Variants in LINGO2 observed in about 807,000 individuals in gnomAD.
LINGO2 encodes leucine-rich repeat and immunoglobulin-like domain-containing nogo receptor-interacting protein 2.
A neutral mutation model predicts 30.6 loss-of-function variants in LINGO2; 14 were observed. The observed-to-expected ratio is 0.46, with a 90% CI of 0.30 to 0.72. LINGO2 has a LOEUF of 0.72. LINGO2 is among the 30% of genes least tolerant of loss of function. The pLI, the probability that LINGO2 is intolerant of heterozygous loss-of-function variation, is 0.07. For synonymous variants in LINGO2, 317 were observed against 288.5 expected (o/e 1.10, Z -1.00); for missense variants, 729 against 751.7 (o/e 0.97, Z 0.35).
chr9:28,090,035 G>A (rs567260039), intron 4 of LINGO2, among the ~76,000 whole-genome samples: 1 of 152,124 alleles, frequency 6.6e-6, no homozygotes, highest in Non-Finnish European at 1.5e-5. Context: ...TCTCTGAATA[G>A]ACCAATAACA....
chr9:29,059,720 A>G, the LINGO2 span, among the ~76,000 whole-genome samples: 3 of 152,062 alleles, frequency 2.0e-5, no homozygotes, highest in South Asian at 6.2e-4. Flanking sequence ...AATCAGCCTG[A>G]CGTTATCATA....
At chr9:28,998,211 T>C in the LINGO2 span, among the ~76,000 whole-genome samples, 1 of 152,074 alleles carries the variant, frequency 6.6e-6, no homozygotes, top group Admixed American at 6.6e-5. Context: ...GCCTGTTTTG[T>C]TTGTGGAATA....
chr9:28,320,434 G>A (rs376971940), intron 3 of LINGO2, among the ~76,000 whole-genome samples: 1 of 152,154 alleles, frequency 6.6e-6, no homozygotes, highest in East Asian at 1.9e-4. Flanking sequence ...GCAGTTAGCC[G>A]ACATAATTGG....
intron 4 of LINGO2, among the ~76,000 whole-genome samples, chr9:28,281,511 C>T (rs192834058): frequency 3.0e-4 from 45 of 151,572 alleles, no homozygotes; most frequent in Middle Eastern, 3.4e-3. Context: ...GGGGATATAA[C>T]GGGACTATTA....
chr9:28,936,906 G>A, the LINGO2 span, among the ~76,000 whole-genome samples: 2 of 152,128 alleles, frequency 1.3e-5, no homozygotes, highest in Non-Finnish European at 2.9e-5. Context: ...ATTGGTTTCT[G>A]GTGAGGCCTC....
At chr9:28,405,769 C>T (rs939231186) in intron 2 of LINGO2, among the ~76,000 whole-genome samples, 19 of 152,052 alleles carry the variant, frequency 1.2e-4, no homozygotes, top group African/African-American at 2.9e-4. Flanking sequence ...GCATTTTTAT[C>T]TCTTCCTTCT....
chr9:28,797,359 T>TAGAGTGAGAGAGAG, the LINGO2 span, among the ~76,000 whole-genome samples: 1 of 34,206 alleles, frequency 2.9e-5, no homozygotes, highest in African/African-American at 9.6e-5. Flanking sequence ...TATATATATA[T>TAGAGTGAGAGAGAG]AGAGAGAGAG....
chr9:28,785,986 C>T, the LINGO2 span, among the ~76,000 whole-genome samples: 1 of 152,324 alleles, frequency 6.6e-6, no homozygotes, highest in Non-Finnish European at 1.5e-5. Context: ...TTTATCTGCA[C>T]TGAAATAGCC....
chr9:28,703,717 TTCTC>T, the LINGO2 span, among the ~76,000 whole-genome samples: 1 of 151,944 alleles, frequency 6.6e-6, no homozygotes, highest in African/African-American at 2.4e-5. Context: ...TGATGCCATT[TTCTC>T]TCTCTCTTTT....
chr9:28,504,912 T>C (rs1820046056), intron 1 of LINGO2, among the ~76,000 whole-genome samples: 1 of 151,884 alleles, frequency 6.6e-6, no homozygotes, highest in East Asian at 1.9e-4. Context: ...ATTGAAATGA[T>C]GATGCAGGGT....
At chr9:28,540,626 A>G (rs910321490) in intron 1 of LINGO2, among the ~76,000 whole-genome samples, 3 of 152,152 alleles carry the variant, frequency 2.0e-5, no homozygotes, top group Admixed American at 1.3e-4. Flanking sequence ...CATCACTATT[A>G]TCACTCTTCA....
chr9:28,859,244 A>T, the LINGO2 span, among the ~76,000 whole-genome samples: 1 of 152,020 alleles, frequency 6.6e-6, no homozygotes, highest in African/African-American at 2.4e-5. Context: ...TTCTTTAATT[A>T]TTATTTGGGG....
chr9:28,961,842 T>C, the LINGO2 span, among the ~76,000 whole-genome samples: 1 of 152,180 alleles, frequency 6.6e-6, no homozygotes, highest in South Asian at 2.1e-4. Context: ...TGGCTAACAG[T>C]AACAACTACA....
At chr9:28,165,502 C>T (rs1828401141) in intron 4 of LINGO2, among the ~76,000 whole-genome samples, 1 of 152,148 alleles carries the variant, frequency 6.6e-6, no homozygotes, top group Non-Finnish European at 1.5e-5. Context: ...AAAAATTGTC[C>T]TCGTGGATTG....
At chr9:29,158,915 G>A in the LINGO2 span, among the ~76,000 whole-genome samples, 1 of 152,130 alleles carries the variant, frequency 6.6e-6, no homozygotes. Flanking sequence ...TTTGAGCCCT[G>A]CAGTTACACC....
At chr9:28,109,625 G>A (rs928014950) in intron 4 of LINGO2, among the ~76,000 whole-genome samples, 1 of 151,902 alleles carries the variant, frequency 6.6e-6, no homozygotes, top group Non-Finnish European at 1.5e-5. Context: ...AGCCAAATCA[G>A]GAATGAACTC....
At chr9:29,124,486 TG>T in the LINGO2 span, among the ~76,000 whole-genome samples, 4 of 152,060 alleles carry the variant, frequency 2.6e-5, no homozygotes, top group Non-Finnish European at 5.9e-5. Flanking sequence ...ACCTACAGAA[TG>T]GGAGAAAACT....
intron 3 of LINGO2, among the ~76,000 whole-genome samples, chr9:28,333,899 T>G (rs1198518986): frequency 6.6e-6 from 1 of 152,180 alleles, no homozygotes; most frequent in African/African-American, 2.4e-5. Flanking sequence ...AAATATTGCT[T>G]ACAAATGACC....
At chr9:28,253,727 C>A (rs1822286548) in intron 4 of LINGO2, among the ~76,000 whole-genome samples, 1 of 152,124 alleles carries the variant, frequency 6.6e-6, no homozygotes, top group Non-Finnish European at 1.5e-5. Context: ...CCTGGGGCAA[C>A]CTAACTTCCC....
Sources: allele counts gnomAD v4.1 joint callset (sites outside exome capture counted in the v4.1 genomes callset), GRCh38; gene constraint gnomAD v4.1.1; transcripts MANE v1.5; gene names NCBI Gene and HGNC (gene_info 2026-07-23, HGNC 2026-07-21).